Variants in MRPL45 observed in about 807,000 individuals in gnomAD.
MRPL45 encodes mitochondrial ribosomal protein L45.
MRPL45 carries 20 observed loss-of-function variants against 38.1 expected under a neutral mutation model. The observed-to-expected ratio is 0.53, with a 90% CI of 0.37 to 0.76. The LOEUF (loss-of-function observed/expected upper bound fraction) is 0.76, where lower values mean the gene tolerates loss of function less well. MRPL45 is among the 30% of genes least tolerant of loss of function. The pLI, the probability that MRPL45 is intolerant of heterozygous loss-of-function variation, is 0.00. For missense variants in MRPL45, 337 were observed against 395.6 expected (o/e 0.85, Z 1.26); for synonymous variants, 105 against 128.8 (o/e 0.82, Z 1.25).
chr17:38,318,325 C>G (rs756241396), intron 4 of MRPL45, among the ~76,000 whole-genome samples: 3 of 151,380 alleles, frequency 2.0e-5, no homozygotes, highest in African/African-American at 4.9e-5. Flanking sequence ...CTTTGTTGCT[C>G]ATACCAGCTT....
chr17:38,321,250 T>C (rs185974212), intron 6 of MRPL45, among the ~76,000 whole-genome samples: 70 of 152,306 alleles, frequency 4.6e-4, no homozygotes, highest in Non-Finnish European at 8.7e-4. Flanking sequence ...GCTGGGACTA[T>C]AGGCATGAGC....
At chr17:38,317,575 G>GT (rs2144235027) in intron 4 of MRPL45, among the ~76,000 whole-genome samples, 1 of 151,682 alleles carries the variant, frequency 6.6e-6, no homozygotes, top group East Asian at 1.9e-4. Flanking sequence ...TTTTTGTTTT[G>GT]TTTTGTTTTT....
chr17:38,301,494 G>A (rs1224116346), intron 3 of MRPL45, among the ~76,000 whole-genome samples: 3 of 152,194 alleles, frequency 2.0e-5, no homozygotes, highest in South Asian at 4.1e-4. Flanking sequence ...CCAGACTCAG[G>A]CCTCCCAAAG....
intron 5 of MRPL45, 81 bp downstream of exon 5, chr17:38,318,816 T>C: frequency 1.2e-6 from 1 of 859,926 alleles, no homozygotes; most frequent in Non-Finnish European, 1.8e-6. Context: ...TCTTTTCTTT[T>C]CTTTTCTTTT....
chr17:38,318,649 G>T, intron 4 of MRPL45, 38 bp from the exon 5 acceptor site: 1 of 1,464,700 alleles, frequency 6.8e-7, no homozygotes, highest in South Asian at 1.1e-5. Flanking sequence ...GGTATTATAA[G>T]AGCAATAGTC....
At chr17:38,321,784 A>G (rs774702845) in intron 6 of MRPL45, among the ~76,000 whole-genome samples, 15 of 152,134 alleles carry the variant, frequency 9.9e-5, no homozygotes, top group Non-Finnish European at 1.9e-4. Context: ...TAATCCCAGC[A>G]CTTTGAGAGG....
At chr17:38,304,094 G>T (rs1479337100) in intron 3 of MRPL45, among the ~76,000 whole-genome samples, 1 of 152,152 alleles carries the variant, frequency 6.6e-6, no homozygotes, top group East Asian at 1.9e-4. Flanking sequence ...AGTCTAAAAA[G>T]AAATATTTTA....
intron 3 of MRPL45, among the ~76,000 whole-genome samples, chr17:38,300,965 A>T (rs1405058571): frequency 2.0e-5 from 3 of 152,056 alleles, no homozygotes; most frequent in Admixed American, 6.6e-5. Context: ...ATAATAATAA[A>T]AAAGATTTTA....
intron 5 of MRPL45, 90 bp downstream of exon 5, chr17:38,318,825 T>C: frequency 3.0e-5 from 1 of 33,578 alleles, no homozygotes; most frequent in Non-Finnish European, 1.3e-4. Context: ...TTCTTTTCTT[T>C]TCTTTTTTTT....
intron 3 of MRPL45, among the ~76,000 whole-genome samples, chr17:38,302,715 AT>A (rs1197365866): frequency 6.6e-6 from 1 of 150,796 alleles, no homozygotes; most frequent in African/African-American, 2.4e-5. Flanking sequence ...ATATTAATTG[AT>A]TTTCTTTTCT....
In MRPL45 at chr17:38,297,206, G is replaced by A. The variant is rs540817995; in HGVS notation, c.23G>A (p.Gly8Glu). The A allele has an allele frequency of 1.9e-6, 3 of 1,614,244 alleles. No individual in the cohort carries two copies. The highest frequency in any genetic ancestry group is 1.1e-5 in the South Asian group (1 of 91,090). The change falls in exon 1 of 8, where the codon GGG becomes GAG. Residue 8 changes from glycine to glutamate, a missense_variant. This residue lies in a region of MRPL45 where 26 missense variants were observed against 16.9 expected (regional missense o/e 1.54). Coordinates refer to ENST00000613675, the MANE Select transcript of MRPL45 (RefSeq NM_032351.6). ...AAGATGGCAGCCCCCATACCTCAAG[G>A]GTTCTCTTGTTTATCGAGGTTTTTG... MAAPIPQ[G>E]FSCLSRFLGW...
chr17:38,320,718 A>T lies in MRPL45; in HGVS notation c.611A>T (p.Asn204Ile). The change falls in exon 6 of 8, where the codon AAC (asparagine) becomes ATC (isoleucine). Residue 204 changes from asparagine to isoleucine, a missense_variant. By Grantham distance (149) the Asn-to-Ile change is moderately radical (BLOSUM62 -3). Transcript: ENST00000613675. ...VVQVRCSSMM[N>I]QGNVYGQITV... is the part of the protein sequence containing the mutation. Reference sequence around the variant, plus strand: ...CAAGTTCGCTGTTCAAGTATGATGAACCAGGGCAACGTGTACGGCCAGATC... The same window carrying T: ...CAAGTTCGCTGTTCAAGTATGATGATCCAGGGCAACGTGTACGGCCAGATC... 1.1e-5 allele frequency: 18 copies of T among 1,614,152 alleles called. No homozygotes were observed. Among genetic ancestry groups the T allele is most frequent in the Non-Finnish European group, 1.4e-5 (17 of 1,180,034 alleles).
At chr17:38,311,180 C>G (rs2037108233) in intron 4 of MRPL45, among the ~76,000 whole-genome samples, 1 of 152,082 alleles carries the variant, frequency 6.6e-6, no homozygotes, top group African/African-American at 2.4e-5. Flanking sequence ...TCCCCATTGC[C>G]CTCTTCCCTT....
At chr17:38,313,365 TAC>T (rs1340892032) in intron 4 of MRPL45, among the ~76,000 whole-genome samples, 19 of 18,582 alleles carry the variant, frequency 1.0e-3, no homozygotes, top group Admixed American at 7.2e-4. Context: ...TATATATATA[TAC>T]GTATATATAT....
intron 4 of MRPL45, among the ~76,000 whole-genome samples, chr17:38,310,081 A>C (rs1266262912): frequency 1.4e-5 from 2 of 147,030 alleles, no homozygotes; most frequent in African/African-American, 2.5e-5. Flanking sequence ...TCGAGTTCTT[A>C]ATTTTATATT....
intron 5 of MRPL45, among the ~76,000 whole-genome samples, chr17:38,319,021 A>G (rs1177039791): frequency 6.9e-6 from 1 of 144,804 alleles, no homozygotes; most frequent in Non-Finnish European, 1.5e-5. Context: ...TTATTTATTT[A>G]TTTATTTATT....
rs753471900 is a variant in MRPL45 at position 38,322,497 on chromosome 17, C to G, written c.835-12C>G. 3.1e-6 allele frequency: 5 copies of G among 1,612,228 alleles called. No individual in the cohort carries two copies. The highest frequency in any genetic ancestry group is 2.2e-5 in the South Asian group (2 of 90,910). ...CTTGGTTGGTGGGTAACCTGGCGTC[C>G]TACTCTTTCAGACGGTGATGATCCC... On this transcript the variant is annotated splice_polypyrimidine_tract_variant and intron_variant, in intron 7 of 7. Coordinates refer to ENST00000613675, the MANE Select transcript of MRPL45 (RefSeq NM_032351.6).
At chr17:38,316,409 T>G (rs1004749336) in intron 4 of MRPL45, among the ~76,000 whole-genome samples, 1 of 152,176 alleles carries the variant, frequency 6.6e-6, no homozygotes, top group Admixed American at 6.6e-5. Flanking sequence ...ATTTCATTAC[T>G]TCTTTGTCCA....
intron 4 of MRPL45, among the ~76,000 whole-genome samples, chr17:38,312,582 T>G (rs1007142294): frequency 6.6e-6 from 1 of 152,136 alleles, no homozygotes; most frequent in Non-Finnish European, 1.5e-5. Context: ...TTTAACTTTT[T>G]GAAGGTCTGG....
Sources: allele counts gnomAD v4.1 joint callset (sites outside exome capture counted in the v4.1 genomes callset), GRCh38; gene constraint gnomAD v4.1.1; regional missense constraint gnomAD v4.1.1; transcripts MANE v1.5; gene names NCBI Gene and HGNC (gene_info 2026-07-23, HGNC 2026-07-21).